Variants in LZTS3 observed in about 807,000 individuals in gnomAD.
The protein encoded by LZTS3 is leucine zipper tumor suppressor family member 3, also known as leucine zipper putative tumor suppressor 3.
Under a neutral mutation model 50.9 loss-of-function variants are expected in LZTS3, and 16 were observed. That is an observed-to-expected ratio of 0.31 (90% CI 0.21 to 0.48). LZTS3 has a LOEUF of 0.48. Among genes scored for constraint, LZTS3 ranks in the 20% least tolerant of loss-of-function variants. The pLI, the probability that LZTS3 is intolerant of heterozygous loss-of-function variation, is 0.99. For missense variants in LZTS3, 816 were observed against 931.0 expected (o/e 0.88, Z 1.61); for synonymous variants, 408 against 410.6 (o/e 0.99, Z 0.08).
intron 1 of LZTS3, among the ~76,000 whole-genome samples, chr20:3,170,486 C>CAAAAAAAAAAAAAAA (rs397955055): frequency 2.8e-4 from 20 of 72,550 alleles, no homozygotes; most frequent in Non-Finnish European, 4.0e-4. Context: ...GAGACTACAT[C>CAAAAAAAAAAAAAAA]AAAAAAAAAA....
chr20:3,172,954 T>A (rs1000777077), intron 1 of LZTS3, among the ~76,000 whole-genome samples: 7 of 150,596 alleles, frequency 4.6e-5, no homozygotes, highest in African/African-American at 1.7e-4. Context: ...ACCTAGCTAC[T>A]GGCTCTGATG....
chr20:3,166,382 G>T (rs1260324022), intron 3 of LZTS3, 22 bp from the exon 4 acceptor site: 3 of 1,577,144 alleles, frequency 1.9e-6, no homozygotes, highest in Non-Finnish European at 2.6e-6. Flanking sequence ...GCAGGAGGGG[G>T]CTGGGGGTCA....
intron 2 of LZTS3, chr20:3,167,501 C>G (rs1158119682): frequency 4.7e-5 from 51 of 1,093,168 alleles, no homozygotes; most frequent in Non-Finnish European, 5.3e-5. Flanking sequence ...CCACCTCCGC[C>G]ATGAGCTTCC....
In LZTS3 at chr20:3,167,901, C is replaced by T; in HGVS notation, c.-182G>A. 2.0e-6 allele frequency: 2 copies of T among 980,474 alleles called. No individual in the cohort carries two copies. Among genetic ancestry groups the T allele is most frequent in the Non-Finnish European group, 2.4e-6 (2 of 825,344 alleles). 60.7% of individuals were successfully genotyped at this position (980,474 alleles called of 1,614,324 possible). On this transcript the variant is annotated 5_prime_UTR_variant, in exon 2 of 5. Transcript: ENST00000337576. The stretch of plus-strand genomic sequence containing the variant: ...TCACTCTCGCAGTCGGGGCTCGGCC[C>T]GAACCAGCTGCGCGACTTTGGAGGG...
chr20:3,167,256 G>A (rs1000865626), intron 2 of LZTS3, 75 bp from the exon 3 acceptor site: 45 of 1,419,608 alleles, frequency 3.2e-5, no homozygotes, highest in African/African-American at 1.2e-4. Context: ...AAGTCAACCC[G>A]GCACCGCTCT....
At chr20:3,169,260 C>T (rs527733410) in intron 1 of LZTS3, among the ~76,000 whole-genome samples, 2 of 152,342 alleles carry the variant, frequency 1.3e-5, no homozygotes, top group East Asian at 1.9e-4. Context: ...CCCCAGCATA[C>T]TCCAGCCCCC....
In LZTS3 at chr20:3,165,879, G is replaced by A. The variant is rs762375623; in HGVS notation, c.941C>T (p.Pro314Leu). The A allele has an allele frequency of 4.1e-5, 66 of 1,606,792 alleles. No individual in the cohort carries two copies. Among genetic ancestry groups the A allele is most frequent in the Admixed American group, 1.3e-4 (8 of 59,900 alleles). Residue 314 changes from proline to leucine, a missense_variant, in exon 4 of 5, where the codon CCG becomes CTG. Transcript: ENST00000337576. The surrounding 1 kb of genome is among the most constrained non-coding windows in gnomAD (Gnocchi z 5.0). Reference sequence around the variant, plus strand: ...CTGGATGAGTGCACTGGGGGAGGGCGGTGAGCAGGCCGCGAAAGGCAGGCC... The same window carrying A: ...CTGGATGAGTGCACTGGGGGAGGGCAGTGAGCAGGCCGCGAAAGGCAGGCC... ...GGGLPFAACS[P>L]PSPSALIQEL...
At chr20:3,169,708 A>G (rs776078714) in intron 1 of LZTS3, among the ~76,000 whole-genome samples, 53 of 151,848 alleles carry the variant, frequency 3.5e-4, no homozygotes, top group African/African-American at 1.3e-3. Context: ...GTGGAACCCC[A>G]TCTCTACTAA....
In LZTS3 at chr20:3,173,536, G is replaced by A. The variant is rs1417990988; in HGVS notation, c.-324C>T. On this transcript the variant is annotated 5_prime_UTR_variant, in exon 1 of 5. Coordinates refer to ENST00000337576, the MANE Select transcript of LZTS3 (RefSeq NM_001365618.1). ...GCTGGCGCAGCCCGAAGCACGCCCG[G>A]CGGGGCGCGCTGCGCGGGCCCGGCT... is the stretch of plus-strand genomic sequence containing the variant. 1 of 151,064 alleles carries A rather than the reference G, an allele frequency of 6.6e-6. No homozygotes were observed. Among genetic ancestry groups the A allele is most frequent in the Non-Finnish European group, 1.5e-5 (1 of 67,686 alleles). The allele number at this position is 151,064 out of a possible 1,614,324, so 9.4% of individuals were successfully genotyped here.
intron 2 of LZTS3, 198 bp downstream of exon 2, chr20:3,167,540 C>A (rs1349217986): frequency 1.3e-5 from 13 of 1,037,640 alleles, no homozygotes; most frequent in African/African-American, 1.7e-5. Flanking sequence ...CAACTCTTTG[C>A]TGCAACCCCA....
intron 1 of LZTS3, chr20:3,168,651 C>T (rs1403344580): frequency 6.6e-6 from 1 of 152,344 alleles, no homozygotes; most frequent in Non-Finnish European, 1.5e-5. Flanking sequence ...GAACACCTGC[C>T]CCAGAGATCT....
chr20:3,165,826 C>T lies in LZTS3; in HGVS notation c.994G>A (p.Glu332Lys). 1 of 1,602,790 alleles carries T rather than the reference C, an allele frequency of 6.2e-7. No individual in the cohort carries two copies. Among genetic ancestry groups the T allele is most frequent in the Non-Finnish European group, 8.5e-7 (1 of 1,178,998 alleles). Residue 332 changes from glutamate (E) to lysine (K), a missense_variant, in exon 4 of 5, where the codon GAG (glutamate) becomes AAG (lysine). Glu to Lys is a moderately conservative substitution (Grantham distance 56). Transcript: ENST00000337576. This position sits in a 1 kb window ranked among gnomAD's most constrained non-coding sequence, Gnocchi z 5.0. ...CGCCGCAGAGCTGCCACCTCCTGCT[C>T]CTTCTCCCACAGCCGCTCCTCCAGC... ...QELEERLWEKEQEVAALRRSL... is the reference protein window; with the variant it reads ...QELEERLWEKKQEVAALRRSL...
At chr20:3,172,546 G>A (rs1480115145) in intron 1 of LZTS3, among the ~76,000 whole-genome samples, 2 of 152,118 alleles carry the variant, frequency 1.3e-5, no homozygotes, top group African/African-American at 4.8e-5. Context: ...CTGGCCTCAG[G>A]ACAGCATCCC....
At chr20:3,170,055 T>C (rs566956120) in intron 1 of LZTS3, among the ~76,000 whole-genome samples, 3 of 151,810 alleles carry the variant, frequency 2.0e-5, no homozygotes, top group East Asian at 1.9e-4. Flanking sequence ...AAGGCCAAGA[T>C]TGGGGGGATT....
intron 1 of LZTS3, among the ~76,000 whole-genome samples, chr20:3,172,477 A>G (rs995698416): frequency 3.3e-5 from 5 of 152,042 alleles, no homozygotes; most frequent in Admixed American, 1.3e-4. Context: ...TCTACTTCAC[A>G]CACAAGCTCT....
In LZTS3 at chr20:3,167,374, G is replaced by A. The variant is rs1257484395; in HGVS notation, c.-18-193C>T. Reference sequence around the variant, plus strand: ...GAGAACTTGGGAATGGGGGCTGCCTGTTGCCCACCTGATAAAGCCCAACCC... The same window carrying A: ...GAGAACTTGGGAATGGGGGCTGCCTATTGCCCACCTGATAAAGCCCAACCC... On this transcript the variant is annotated intron_variant, in intron 2 of 4. Transcript: ENST00000337576. 16 of 1,341,342 alleles carry A rather than the reference G, an allele frequency of 1.2e-5. No individual in the cohort carries two copies. The South Asian group carries it at 2.1e-4, about 18-fold the overall frequency. The allele number at this position is 1,341,342 out of a possible 1,614,324, so 83.1% of individuals were successfully genotyped here.
chr20:3,170,723 G>A (rs2066893950), intron 1 of LZTS3, among the ~76,000 whole-genome samples: 1 of 152,086 alleles, frequency 6.6e-6, no homozygotes, highest in Admixed American at 6.6e-5. Flanking sequence ...AACCCAGGAG[G>A]TGGAGGTTGC....
chr20:3,164,206 G>C lies in LZTS3; in HGVS notation c.*248C>G. ...GGGAGCATGACTCCCCCACCACCTA[G>C]GATTGCCCCCACTCACCCTGCCCTC... is the stretch of plus-strand genomic sequence containing the variant. On this transcript the variant is annotated 3_prime_UTR_variant, in exon 5 of 5. Coordinates refer to ENST00000337576, the MANE Select transcript of LZTS3 (RefSeq NM_001365618.1). 2.3e-6 allele frequency: 1 copy of C among 431,768 alleles called. No homozygotes were observed. The highest frequency in any genetic ancestry group is 4.0e-6 in the Non-Finnish European group (1 of 249,084). 26.7% of individuals were successfully genotyped at this position (431,768 alleles called of 1,614,324 possible). A position where few individuals can be genotyped will look rare whatever the true frequency, so the allele number is the denominator to read the frequency against.
chr20:3,167,158 C>T lies in LZTS3; in HGVS notation c.6G>A (p.Ala2=), dbSNP rs767793870. The T allele has an allele frequency of 7.4e-6, 11 of 1,476,564 alleles. No individual in the cohort carries two copies. The highest frequency in any genetic ancestry group is 4.7e-5 in the East Asian group (2 of 42,524). 91.5% of individuals were successfully genotyped at this position (1,476,564 alleles called of 1,614,324 possible). A position where few individuals can be genotyped will look rare whatever the true frequency, so the allele number is the denominator to read the frequency against. The change falls in exon 3 of 5, where the codon GCG becomes GCA. Residue 2 remains alanine, a synonymous_variant. Transcript: ENST00000337576. ...CGCGCACAGGCAGCGTCTCCAGCTT[C>T]GCCATGACTAAGCCAGGGGGGCACT... The part of the protein sequence containing the change: M[A]KLETLPVRAD...
Sources: gnomAD v4.1 joint callset for allele counts (sites outside exome capture counted in the v4.1 genomes callset) on GRCh38, gnomAD v4.1.1 for gene constraint, Gnocchi (gnomAD v3.1) non-coding constraint, MANE v1.5 for transcripts, NCBI Gene and HGNC (gene_info 2026-07-23, HGNC 2026-07-21) for gene names.